PLCE1: variants seen among roughly 807,000 people sequenced by gnomAD.
PLCE1 encodes phospholipase C epsilon 1, also known as 1-phosphatidylinositol 4,5-bisphosphate phosphodiesterase epsilon-1.
PLCE1 carries 119 observed loss-of-function variants against 242.8 expected under a neutral mutation model. The observed-to-expected ratio is 0.49, with a 90% CI of 0.42 to 0.57. The LOEUF is 0.57. Among genes scored for constraint, PLCE1 ranks in the 20% least tolerant of loss-of-function variants. PLCE1 has a pLI of 0.00. For missense variants in PLCE1, 2,441 were observed against 2,788.8 expected, an observed-to-expected ratio of 0.88 and a Z score of 2.81; for synonymous variants, 945 against 1,017.4, an observed-to-expected ratio of 0.93 and a Z score of 1.35.
intron 4 of PLCE1, among the ~76,000 whole-genome samples, chr10:94,206,154 T>A (rs769108860): frequency 6.6e-6 from 1 of 152,134 alleles, no homozygotes; most frequent in Non-Finnish European, 1.5e-5. Flanking sequence ...GGGAAAGCCT[T>A]ACTGAGAAGC....
intron 3 of PLCE1, among the ~76,000 whole-genome samples, chr10:94,158,854 C>CTTTTTTTTTTTT (rs35760715): frequency 1.2e-3 from 131 of 111,532 alleles, no homozygotes; most frequent in Non-Finnish European, 1.5e-3. Flanking sequence ...TCTTCTTTTT[C>CTTTTTTTTTTTT]TTTTTTTTTT....
intron 3 of PLCE1, among the ~76,000 whole-genome samples, chr10:94,150,719 C>T (rs1027555224): frequency 6.6e-6 from 1 of 152,178 alleles, no homozygotes; most frequent in African/African-American, 2.4e-5. Flanking sequence ...GAGGGTTAAG[C>T]ATCTAGGGAG....
chr10:94,253,338 G>C (rs2050947224), intron 9 of PLCE1, among the ~76,000 whole-genome samples: 1 of 152,014 alleles, frequency 6.6e-6, no homozygotes, highest in African/African-American at 2.4e-5. Flanking sequence ...TGAGAGAGAA[G>C]GGGAGAGGTG....
intron 2 of PLCE1, among the ~76,000 whole-genome samples, chr10:94,048,019 A>G (rs1206951282): frequency 6.6e-6 from 1 of 152,236 alleles, no homozygotes; most frequent in East Asian, 1.9e-4. Flanking sequence ...GTTTATATAA[A>G]GGTACACTGT....
chr10:94,169,566 A>G (rs1401254814), intron 3 of PLCE1, among the ~76,000 whole-genome samples: 1 of 152,226 alleles, frequency 6.6e-6, no homozygotes, highest in African/African-American at 2.4e-5. Context: ...CATGACCTAC[A>G]CTGTCTCAGC....
At chr10:94,247,114 GAAAAA>G (rs398014491) in intron 8 of PLCE1, among the ~76,000 whole-genome samples, 90 of 100,402 alleles carry the variant, frequency 9.0e-4, no homozygotes, top group African/African-American at 3.2e-3. Context: ...TCTGTCTCAG[GAAAAA>G]AAAAAAAAAA....
chr10:94,054,478 G>C (rs1184481408), intron 2 of PLCE1, among the ~76,000 whole-genome samples: 1 of 152,130 alleles, frequency 6.6e-6, no homozygotes, highest in East Asian at 1.9e-4. Flanking sequence ...GGAGTTTCTG[G>C]AATAGTTGGA....
At chr10:94,160,372 A>T (rs1026846429) in intron 3 of PLCE1, among the ~76,000 whole-genome samples, 2 of 152,210 alleles carry the variant, frequency 1.3e-5, no homozygotes, top group African/African-American at 4.8e-5. Flanking sequence ...ATGGCCAGTG[A>T]TGATGAGCAT....
intron 2 of PLCE1, among the ~76,000 whole-genome samples, chr10:94,051,727 C>T (rs574960585): frequency 4.8e-4 from 73 of 152,288 alleles, no homozygotes; most frequent in African/African-American, 1.7e-3. Flanking sequence ...TGCTAAACAT[C>T]AGTATTCTCA....
At chr10:93,998,167 T>C (rs2060865200) in intron 1 of PLCE1, among the ~76,000 whole-genome samples, 1 of 152,220 alleles carries the variant, frequency 6.6e-6, no homozygotes, top group Admixed American at 6.5e-5. Flanking sequence ...AGAATGGACA[T>C]TTCATTTCTC....
intron 1 of PLCE1, among the ~76,000 whole-genome samples, chr10:94,005,318 G>A (rs1215440622): frequency 6.6e-6 from 1 of 152,146 alleles, no homozygotes; most frequent in African/African-American, 2.4e-5. Context: ...AAGCCATTCA[G>A]GTTAATCTAG....
chr10:94,077,264 C>T (rs2044532111), intron 2 of PLCE1, among the ~76,000 whole-genome samples: 1 of 152,166 alleles, frequency 6.6e-6, no homozygotes, highest in African/African-American at 2.4e-5. Context: ...TGACGGGATG[C>T]TACTGGCATC....
intron 3 of PLCE1, among the ~76,000 whole-genome samples, chr10:94,163,343 T>A (rs1268514511): frequency 6.6e-6 from 1 of 152,212 alleles, no homozygotes; most frequent in Non-Finnish European, 1.5e-5. Context: ...GGTGCTCCTG[T>A]ATTGGGTGCA....
intron 3 of PLCE1, among the ~76,000 whole-genome samples, chr10:94,137,041 A>G (rs1392081012): frequency 1.3e-5 from 2 of 152,104 alleles, no homozygotes; most frequent in African/African-American, 4.8e-5. Context: ...AAATACAAAA[A>G]AATTAGCCGG....
intron 2 of PLCE1, among the ~76,000 whole-genome samples, chr10:94,078,217 G>C (rs1033325833): frequency 8.5e-5 from 13 of 152,192 alleles, no homozygotes; most frequent in African/African-American, 2.9e-4. Context: ...ATTGCCATCT[G>C]ATAGATTTGT....
chr10:94,240,497 G>C (rs980957386), intron 7 of PLCE1, among the ~76,000 whole-genome samples: 1 of 152,088 alleles, frequency 6.6e-6, no homozygotes, highest in Non-Finnish European at 1.5e-5. Flanking sequence ...CATTAAAAAC[G>C]CTAGATTTTA....
chr10:94,023,932 T>C (rs2061417738), intron 1 of PLCE1, among the ~76,000 whole-genome samples: 1 of 152,084 alleles, frequency 6.6e-6, no homozygotes, highest in Non-Finnish European at 1.5e-5. Flanking sequence ...AGTACACCAG[T>C]GCCTTTAGGG....
intron 32 of PLCE1, 24 bp downstream of exon 32, chr10:94,325,128 C>CT (rs1359027545): frequency 6.6e-7 from 1 of 1,507,146 alleles, no homozygotes; most frequent in African/African-American, 1.4e-5. Flanking sequence ...TTGCACCATC[C>CT]TGGAACAGGG....
chr10:94,331,953 C>T lies in PLCE1; in HGVS notation c.*4010C>T, dbSNP rs1200789574. On this transcript the variant is annotated 3_prime_UTR_variant, in exon 33 of 33. Coordinates refer to ENST00000371380, the MANE Select transcript of PLCE1 (RefSeq NM_016341.4). The stretch of plus-strand genomic sequence containing the variant: ...GTGGTACGATCTCGACTCACCACAA[C>T]CTCCACCTCCCAGGTTCAAGTGATT... 2.0e-5 allele frequency: 3 copies of T among 151,190 alleles called. No homozygotes were observed. Among genetic ancestry groups the T allele is most frequent in the Non-Finnish European group, 2.9e-5 (2 of 68,004 alleles). 9.4% of individuals were successfully genotyped at this position (151,190 alleles called of 1,614,324 possible).
Sources: allele counts gnomAD v4.1 joint callset (sites outside exome capture counted in the v4.1 genomes callset), GRCh38; gene constraint gnomAD v4.1.1; transcripts MANE v1.5; gene names NCBI Gene and HGNC (gene_info 2026-07-23, HGNC 2026-07-21).